Variants in BMP6 observed in about 807,000 individuals in gnomAD.
The protein encoded by BMP6 is bone morphogenetic protein 6.
In BMP6, 17 loss-of-function variants were observed where a neutral mutation model predicts 54.1. The observed-to-expected ratio is 0.31, with a 90% CI of 0.22 to 0.47. BMP6 has a LOEUF of 0.47. Ranked by LOEUF, BMP6 falls within the 20% of genes least tolerant of loss-of-function variation. The pLI is 1.00. For missense variants in BMP6, 720 were observed against 690.4 expected, an observed-to-expected ratio of 1.04 and a Z score of -0.48; for synonymous variants, 328 against 291.2, an observed-to-expected ratio of 1.13 and a Z score of -1.28.
rs890726050 is a variant in BMP6 at position 7,726,752 on chromosome 6, C to T, written c.-204C>T. 4 of 202,774 alleles carry T rather than the reference C, an allele frequency of 2.0e-5. No homozygotes were observed. Among genetic ancestry groups the T allele is most frequent in the Non-Finnish European group, 2.9e-5 (3 of 104,632 alleles). 12.6% of individuals were successfully genotyped at this position (202,774 alleles called of 1,614,324 possible). A position where few individuals can be genotyped will look rare whatever the true frequency, so the allele number is the denominator to read the frequency against. On this transcript the variant is annotated 5_prime_UTR_variant, in exon 1 of 7. Coordinates refer to ENST00000283147, the MANE Select transcript of BMP6 (RefSeq NM_001718.6). ...CTCCAAGCGGTTCTCCTGGTGATCGCCCCTTCGCCACCTCTCTAGCCTGGG... is the reference window on the plus strand; with the variant it reads ...CTCCAAGCGGTTCTCCTGGTGATCGTCCCTTCGCCACCTCTCTAGCCTGGG...
intron 1 of BMP6, among the ~76,000 whole-genome samples, chr6:7,744,665 A>G (rs1245512845): frequency 6.6e-6 from 1 of 152,238 alleles, no homozygotes; most frequent in Non-Finnish European, 1.5e-5. Flanking sequence ...GTCAAGATAC[A>G]GAACATTACT....
chr6:7,862,557 A>G, intron 4 of BMP6, 59 bp downstream of exon 4: 1 of 1,595,036 alleles, frequency 6.3e-7, no homozygotes, highest in Non-Finnish European at 8.6e-7. Context: ...TGAGAACAAA[A>G]GTTGTGTCCA....
intron 1 of BMP6, among the ~76,000 whole-genome samples, chr6:7,844,766 GTTC>G (rs1038969146): frequency 5.9e-5 from 9 of 152,198 alleles, no homozygotes; most frequent in Non-Finnish European, 8.8e-5. Context: ...GGGCGGACGG[GTTC>G]TTCTTCATTG....
chr6:7,831,434 T>C (rs1250026968), intron 1 of BMP6, among the ~76,000 whole-genome samples: 1 of 152,166 alleles, frequency 6.6e-6, no homozygotes, highest in Non-Finnish European at 1.5e-5. Context: ...CACTTCAAAA[T>C]GGTGAATTTT....
intron 1 of BMP6, among the ~76,000 whole-genome samples, chr6:7,843,760 T>A (rs1045438353): frequency 2.0e-5 from 3 of 152,156 alleles, no homozygotes; most frequent in East Asian, 1.9e-4. Context: ...GCATCTGAAG[T>A]TTGATATCAC....
In BMP6 at chr6:7,727,722, T is replaced by TC. The variant is rs1761768665; in HGVS notation, c.664+106dup. 4 of 1,307,480 alleles carry TC rather than the reference T, an allele frequency of 3.1e-6. No homozygotes were observed. In the Admixed American group the frequency reaches 1.6e-4, roughly 51 times the overall value. The allele number at this position is 1,307,480 out of a possible 1,614,324, so 81.0% of individuals were successfully genotyped here. A position where few individuals can be genotyped will look rare whatever the true frequency, so the allele number is the denominator to read the frequency against. On this transcript the variant is annotated intron_variant, in intron 1 of 6. Coordinates refer to ENST00000283147, the MANE Select transcript of BMP6 (RefSeq NM_001718.6). ...GGTGGAGGAGCTCCCGGCGCGCGGG[T>TC]CCCGCCTGGTGCGCCAGAGAACGCG...
intron 1 of BMP6, among the ~76,000 whole-genome samples, chr6:7,802,375 A>G (rs1758282028): frequency 6.6e-6 from 1 of 152,064 alleles, no homozygotes; most frequent in South Asian, 2.1e-4. Context: ...ATGATCCCTC[A>G]CCTCTCCCTT....
At chr6:7,754,804 GC>G (rs1409334850) in intron 1 of BMP6, among the ~76,000 whole-genome samples, 1 of 151,910 alleles carries the variant, frequency 6.6e-6, no homozygotes, top group Non-Finnish European at 1.5e-5. Flanking sequence ...TGCAAGCTCC[GC>G]CCCCCAGGTT....
At chr6:7,766,035 T>G (rs955339323) in intron 1 of BMP6, among the ~76,000 whole-genome samples, 1 of 152,158 alleles carries the variant, frequency 6.6e-6, no homozygotes, top group African/African-American at 2.4e-5. Flanking sequence ...CTGGAAGATA[T>G]TCACAGCTTC....
chr6:7,753,264 T>C (rs1357829846), intron 1 of BMP6, among the ~76,000 whole-genome samples: 1 of 152,190 alleles, frequency 6.6e-6, no homozygotes, highest in Non-Finnish European at 1.5e-5. Context: ...TGCTCAGCAC[T>C]TTCTCCAGAG....
chr6:7,877,495 C>T (rs1267463945), intron 4 of BMP6, among the ~76,000 whole-genome samples: 3 of 152,066 alleles, frequency 2.0e-5, no homozygotes, highest in South Asian at 2.1e-4. Context: ...TGGTGGCTCG[C>T]GCCTGTAGTC....
chr6:7,847,002 G>A (rs577296765), intron 2 of BMP6, among the ~76,000 whole-genome samples: 5 of 152,232 alleles, frequency 3.3e-5, no homozygotes, highest in East Asian at 3.9e-4. Context: ...TAAGTGACTG[G>A]CATTTAAAAA....
intron 1 of BMP6, among the ~76,000 whole-genome samples, chr6:7,821,300 G>A (rs182091924): frequency 6.6e-6 from 1 of 152,344 alleles, no homozygotes; most frequent in East Asian, 1.9e-4. Context: ...CCTAGGCTGA[G>A]TGGCAGAACT....
chr6:7,763,033 ACTC>A (rs1757638219), intron 1 of BMP6, among the ~76,000 whole-genome samples: 1 of 152,134 alleles, frequency 6.6e-6, no homozygotes, highest in African/African-American at 2.4e-5. Flanking sequence ...TGACCTGTAA[ACTC>A]CTATGCGCCT....
chr6:7,813,655 AAAAAAAAAAAAAAAC>A (rs1426465676), intron 1 of BMP6, among the ~76,000 whole-genome samples: 2 of 143,354 alleles, frequency 1.4e-5, no homozygotes, highest in Admixed American at 7.1e-5. Context: ...AAAAAAAAAA[AAAAAAAAAAAAAAAC>A]CCACCAAACC....
chr6:7,824,376 G>T (rs1022837672), intron 1 of BMP6, among the ~76,000 whole-genome samples: 1 of 152,176 alleles, frequency 6.6e-6, no homozygotes, highest in Non-Finnish European at 1.5e-5. Flanking sequence ...TGAGGCCATT[G>T]TGAGTCCTCT....
At chr6:7,827,917 C>T (rs1758725106) in intron 1 of BMP6, among the ~76,000 whole-genome samples, 1 of 152,154 alleles carries the variant, frequency 6.6e-6, no homozygotes, top group South Asian at 2.1e-4. Context: ...CATAAAACTG[C>T]CTGACAAATG....
intron 1 of BMP6, among the ~76,000 whole-genome samples, chr6:7,837,180 C>T (rs1158239720): frequency 6.6e-6 from 1 of 152,140 alleles, no homozygotes; most frequent in African/African-American, 2.4e-5. Context: ...TTGCTCTGTT[C>T]TTTTTCCTCT....
intron 1 of BMP6, among the ~76,000 whole-genome samples, chr6:7,730,222 C>T (rs1276781412): frequency 3.3e-5 from 5 of 152,214 alleles, no homozygotes; most frequent in Non-Finnish European, 7.3e-5. Context: ...CTGCTTAAAG[C>T]TGGCTGTCAG....
Sources: gnomAD v4.1 joint callset for allele counts (sites outside exome capture counted in the v4.1 genomes callset) on GRCh38, gnomAD v4.1.1 for gene constraint, MANE v1.5 for transcripts, NCBI Gene and HGNC (gene_info 2026-07-23, HGNC 2026-07-21) for gene names.